MACF1: variants seen among roughly 807,000 people sequenced by gnomAD.
The protein encoded by MACF1 is microtubule-actin cross-linking factor 1.
A neutral mutation model predicts 854.8 loss-of-function variants in MACF1; 193 were observed. The observed-to-expected ratio is 0.23, with a 90% confidence interval of 0.20 to 0.25. MACF1 has a LOEUF of 0.25. Ranked by LOEUF, MACF1 falls within the 10% of genes least tolerant of loss-of-function variation. The pLI is 1.00. For missense variants in MACF1, 7,722 were observed against 8,929.1 expected (o/e 0.86, Z 5.45); for synonymous variants, 3,185 against 3,226.7 (o/e 0.99, Z 0.44).
rs566521483 is a variant in MACF1, at chr1:39,313,205, T to C, written c.3270+2205T>C. Among the ~76,000 whole-genome samples the C allele has an allele frequency of 3.9e-5, 6 of 152,336 alleles. No individual in the cohort carries two copies. The East Asian group carries it at 1.2e-3, about 29-fold the overall frequency. On this transcript the variant is annotated intron_variant, in intron 26 of 100. Transcript: ENST00000564288. ...AATTTTGGCAGGAATCCTGCAGAAG[T>C]GATACTGTGTCCTTGGTATATTAGT...
chr1:39,120,425 C>T (rs549361574), intron 2 of MACF1, among the ~76,000 whole-genome samples: 27 of 151,960 alleles, frequency 1.8e-4, no homozygotes, highest in African/African-American at 4.8e-4. Flanking sequence ...AGTGCAGTGG[C>T]GCTGTCTCTG....
chr1:39,445,989 C>G (rs916094017), intron 80 of MACF1, among the ~76,000 whole-genome samples: 2 of 152,164 alleles, frequency 1.3e-5, no homozygotes, highest in Non-Finnish European at 2.9e-5. Context: ...CTTGGACAGG[C>G]TGTCATCCAT....
At chr1:39,431,042 C>T in intron 66 of MACF1, 134 bp downstream of exon 66, 2 of 851,018 alleles carry the variant, frequency 2.4e-6, no homozygotes, top group South Asian at 1.6e-5. Context: ...AAATATGTTT[C>T]ATTGATGGGA....
Position 39,424,081 on chromosome 1 carries a change from A to G in MACF1, c.16203A>G (p.Ala5401=). 1 of 1,612,410 alleles carries G rather than the reference A, an allele frequency of 6.2e-7. No homozygotes were observed. The part of the protein sequence containing the change: ...DRKATVDMLQ[A]EGGRIAQSAE... ...AGGCCACAGTAGACATGCTTCAAGC[A>G]GAAGGAGGCAGAATAGCCCAGTCAG... Residue 5401 remains alanine (A), a synonymous_variant, in exon 61 of 101, where the codon GCA becomes GCG. Coordinates refer to ENST00000564288, the MANE Select transcript of MACF1 (RefSeq NM_001394062.1).
intron 6 of MACF1, among the ~76,000 whole-genome samples, chr1:39,262,515 A>G (rs748750689): frequency 6.6e-6 from 1 of 152,108 alleles, no homozygotes; most frequent in Non-Finnish European, 1.5e-5. Context: ...ACCATAAAAT[A>G]ACTTGACAGA....
chr1:39,448,510 A>G (rs563422463), intron 83 of MACF1, 84 bp from the exon 84 acceptor site: 1 of 1,177,194 alleles, frequency 8.5e-7, no homozygotes, highest in Non-Finnish European at 1.2e-6. Context: ...TTTGGTTTCT[A>G]GCCTGAAAAC....
intron 58 of MACF1, among the ~76,000 whole-genome samples, chr1:39,420,066 A>G (rs1027887599): frequency 5.9e-5 from 9 of 152,210 alleles, no homozygotes; most frequent in Non-Finnish European, 1.0e-4. Context: ...ACCACTGGCC[A>G]TATGTGGCTT....
intron 6 of MACF1, among the ~76,000 whole-genome samples, chr1:39,264,834 C>T (rs999083914): frequency 4.6e-5 from 7 of 151,584 alleles, no homozygotes; most frequent in Middle Eastern, 3.2e-3. Context: ...CCACCGCGCC[C>T]GGCTAATTTT....
chr1:39,396,852 A>G (rs761110469), intron 58 of MACF1, among the ~76,000 whole-genome samples: 2 of 152,212 alleles, frequency 1.3e-5, no homozygotes, highest in Non-Finnish European at 2.9e-5. Flanking sequence ...CACAAGTCTC[A>G]GCTGTCCCAG....
Position 39,370,115 on chromosome 1 carries a change from G to A in MACF1, c.13024G>A (p.Glu4342Lys). The A allele has an allele frequency of 6.2e-7, 1 of 1,614,156 alleles. No individual in the cohort carries two copies. The change falls in exon 51 of 101, where the codon GAA becomes AAA. Residue 4342 changes from glutamate (E) to lysine (K), a missense_variant. By Grantham distance (56) the Glu-to-Lys change is moderately conservative. Around this residue, in one of 15 missense-constraint regions of MACF1, gnomAD observed 2,807 missense variants for 3,235.8 expected, o/e 0.87. Coordinates refer to ENST00000564288, the MANE Select transcript of MACF1 (RefSeq NM_001394062.1). Reference sequence around the variant, plus strand: ...CTTCCAGAAATGGTTGAAAGAAACTGAAGGGAGTATTCCACCTACGGAAAC... The same window carrying A: ...CTTCCAGAAATGGTTGAAAGAAACTAAAGGGAGTATTCCACCTACGGAAAC... ...RTFQKWLKET[E>K]GSIPPTETSM...
Position 39,259,593 on chromosome 1 carries a change from CTTTTCTTTTTTCT to C in MACF1, c.528+1576_528+1588del, listed in dbSNP as rs1480121604. Among the ~76,000 whole-genome samples the C allele has an allele frequency of 2.0e-5, 3 of 150,768 alleles. No homozygotes were observed. In the Admixed American group the frequency reaches 2.0e-4, roughly 10 times the overall value. ...AATGTTTAAATAGAGAAAACATTTT[CTTTTCTTTTTTCT>C]TTTTCTTTTTCTTTCTTTCTTTTTT... On this transcript the variant is annotated intron_variant, in intron 6 of 100. Transcript: ENST00000564288.
chr1:39,305,447 C>T (rs1391934773), intron 23 of MACF1, among the ~76,000 whole-genome samples: 1 of 152,142 alleles, frequency 6.6e-6, no homozygotes, highest in Non-Finnish European at 1.5e-5. Flanking sequence ...TATAAATCCA[C>T]ATTTCCAAAT....
intron 58 of MACF1, chr1:39,413,149 G>A (rs1028835499): frequency 1.9e-6 from 3 of 1,612,734 alleles, no homozygotes; most frequent in African/African-American, 2.7e-5. Context: ...AGCTATTACA[G>A]TACCCATCAC....
intron 58 of MACF1, among the ~76,000 whole-genome samples, chr1:39,389,571 GCTGGTCTCGATCTC>G (rs1370631546): frequency 4.6e-5 from 7 of 151,802 alleles, no homozygotes; most frequent in African/African-American, 1.7e-4. Context: ...TATTGGCCAG[GCTGGTCTCGATCTC>G]CTGACCTCAA....
chr1:39,274,469 C>T (rs990292227), intron 6 of MACF1, among the ~76,000 whole-genome samples: 1 of 152,098 alleles, frequency 6.6e-6, no homozygotes, highest in African/African-American at 2.4e-5. Context: ...AACAAGATAA[C>T]AACTATTTAC....
At position 39,307,912 on chromosome 1, in the gene MACF1, T is replaced by TTTTTTTTTC. The variant is rs1331418058; in HGVS notation, c.2790-1650_2790-1649insCTTTTTTTT. Among the ~76,000 whole-genome samples, 35 of 129,002 alleles carry TTTTTTTTTC rather than the reference T, an allele frequency of 2.7e-4. 2 individuals carry two copies. The highest frequency in any genetic ancestry group is 5.0e-4 in the Non-Finnish European group (30 of 60,246). 84.6% of individuals were successfully genotyped at this position (129,002 alleles called of 152,430 possible). A position where few individuals can be genotyped will look rare whatever the true frequency, so the allele number is the denominator to read the frequency against. On this transcript the variant is annotated intron_variant, in intron 23 of 100. Coordinates refer to ENST00000564288, the MANE Select transcript of MACF1 (RefSeq NM_001394062.1). ...TTCTTTCTTTCTTTCTTTTTTTTTT[T>TTTTTTTTTC]TTTTTTTTTTGAGATGGAGTCTCGC...
At position 39,332,419 on chromosome 1, in the gene MACF1, C is replaced by G. The variant is rs770151113; in HGVS notation, c.5831C>G (p.Ala1944Gly). Residue 1944 changes from alanine to glycine, a missense_variant, in exon 37 of 101, where the codon GCA becomes GGA. This residue lies in a region of MACF1 where 1,531 missense variants were observed against 1,601.6 expected (regional missense o/e 0.96). Transcript: ENST00000564288. ...GAACAAAATATTAATCCTGGAGCAG[C>G]AGTTCTACCGTGCAGCAAGAGCCAC... Reference protein sequence around the residue: ...SAEQNINPGAAVLPCSKSHPK... With the variant: ...SAEQNINPGAGVLPCSKSHPK... 1.2e-6 allele frequency: 2 copies of G among 1,614,018 alleles called. No homozygotes were observed. Among genetic ancestry groups the G allele is most frequent in the Non-Finnish European group, 1.7e-6 (2 of 1,180,016 alleles).
At position 39,297,635 on chromosome 1, in the gene MACF1, C is replaced by G; in HGVS notation, c.2371C>G (p.Arg791Gly). The G allele has an allele frequency of 1.2e-6, 2 of 1,614,058 alleles. No individual in the cohort carries two copies. Among genetic ancestry groups the G allele is most frequent in the Non-Finnish European group, 1.7e-6 (2 of 1,180,000 alleles). Reference sequence around the variant, plus strand: ...ATTCCCATAGTTCTTCAGTGATGCACGAGAGCTGGAGTCATTCTTGAGGAA... The same window carrying G: ...ATTCCCATAGTTCTTCAGTGATGCAGGAGAGCTGGAGTCATTCTTGAGGAA... Reference protein sequence around the residue: ...TAYFQFFSDARELESFLRNLQ... With the variant: ...TAYFQFFSDAGELESFLRNLQ... Residue 791 changes from arginine (R) to glycine (G), a missense_variant, in exon 21 of 101, where the codon CGA becomes GGA. Physicochemically the swap from Arg to Gly is moderately radical, Grantham distance 125 (BLOSUM62 -2). This residue lies in a region of MACF1 where 1,137 missense variants were observed against 1,263.0 expected (regional missense o/e 0.90). Transcript: ENST00000564288.
At chr1:39,227,800 A>G (rs906069356) in intron 1 of MACF1, among the ~76,000 whole-genome samples, 4 of 152,130 alleles carry the variant, frequency 2.6e-5, no homozygotes, top group Non-Finnish European at 4.4e-5. Context: ...TGTCTCCATG[A>G]ATTTGCATTA....
Sources: gnomAD v4.1 joint callset for allele counts (sites outside exome capture counted in the v4.1 genomes callset) on GRCh38, gnomAD v4.1.1 for gene constraint, gnomAD v4.1.1 regional missense constraint, MANE v1.5 for transcripts, NCBI Gene and HGNC (gene_info 2026-07-23, HGNC 2026-07-21) for gene names.